The following ABCG4 variants were observed in gnomAD, a reference collection of about 807,000 sequenced individuals.
ABCG4 encodes the protein ATP-binding cassette sub-family G member 4.
Under a neutral mutation model 64.6 loss-of-function variants are expected in ABCG4, and 35 were observed. The observed-to-expected ratio is 0.54, with a 90% CI of 0.41 to 0.72. The LOEUF is 0.72. Ranked by LOEUF, ABCG4 falls within the 30% of genes least tolerant of loss-of-function variation. The probability of loss-of-function intolerance (pLI) is 0.00; values close to 1 mark genes in which losing one functional copy is unlikely to be tolerated. For synonymous variants in ABCG4, 326 were observed against 348.2 expected (o/e 0.94, Z 0.71); for missense variants, 610 against 846.3 (o/e 0.72, Z 3.46).
Position 119,154,554 on chromosome 11 carries a change from G to T in ABCG4, c.519G>T (p.Lys173Asn), listed in dbSNP as rs771263731. Residue 173 changes from lysine to asparagine, a missense_variant, in exon 5 of 15, where the codon AAG becomes AAT. Lys to Asn is a moderately conservative substitution (Grantham distance 94, BLOSUM62 0). Transcript: ENST00000619701. This position sits in a 1 kb window ranked among gnomAD's most constrained non-coding sequence, Gnocchi z 7.0. ...MVSANLKLSE[K>N]QEVKKELVTE... ...CTGCTAACCTGAAGCTGAGTGAGAAGCAGGAGGTGAAGAAGGAGCTGGTGA... is the reference window on the plus strand; with the variant it reads ...CTGCTAACCTGAAGCTGAGTGAGAATCAGGAGGTGAAGAAGGAGCTGGTGA... 6.2e-7 allele frequency: 1 copy of T among 1,613,698 alleles called. No individual in the cohort carries two copies. The highest frequency in any genetic ancestry group is 1.1e-5 in the South Asian group (1 of 91,016).
At chr11:119,152,609 C>T (rs1320788391) in intron 2 of ABCG4, among the ~76,000 whole-genome samples, 1 of 152,176 alleles carries the variant, frequency 6.6e-6, no homozygotes, top group African/African-American at 2.4e-5. Flanking sequence ...AGGCAGGGCC[C>T]TCCTTGGTGG....
Position 119,161,776 on chromosome 11 carries a change from T to A in ABCG4, c.*670T>A, listed in dbSNP as rs1454808624. On this transcript the variant is annotated 3_prime_UTR_variant, in exon 15 of 15. Coordinates refer to ENST00000619701, the MANE Select transcript of ABCG4 (RefSeq NM_022169.5). ...GTGGGATGCCCCATCCCCCTCCCCA[T>A]CACCTTTGGTGGGGGCAGGGCCTGG... 2.0e-5 allele frequency: 3 copies of A among 152,766 alleles called. No individual in the cohort carries two copies. In the East Asian group the frequency reaches 5.8e-4, roughly 29 times the overall value. The allele number at this position is 152,766 out of a possible 1,614,324, so 9.5% of individuals were successfully genotyped here.
intron 9 of ABCG4, 137 bp downstream of exon 9, chr11:119,157,151 T>A: frequency 8.2e-7 from 1 of 1,213,168 alleles, no homozygotes; most frequent in Non-Finnish European, 1.1e-6. Context: ...GGACTTGGAA[T>A]CGACCTACTA....
In ABCG4 at chr11:119,156,579, C is replaced by T. The variant is rs1948267518; in HGVS notation, c.826C>T (p.Gln276Ter). Residue 276 changes from glutamine to a stop codon, truncating the protein, a stop_gained, in exon 8 of 15, where the codon CAG becomes TAG. Coordinates refer to ENST00000619701, the MANE Select transcript of ABCG4 (RefSeq NM_022169.5). LOFTEE classifies it high-confidence loss of function. The surrounding 1 kb of genome is among the most constrained non-coding windows in gnomAD (Gnocchi z 5.5). ...EMFDKLYILS[Q>*]GQCIFKGVVT... ...TCTGCTGCAGCTCTACATCCTGAGC[C>T]AGGGTCAGTGCATCTTCAAAGGCGT... 1 of 1,614,168 alleles carries T rather than the reference C, an allele frequency of 6.2e-7. No homozygotes were observed. The highest frequency in any genetic ancestry group is 8.5e-7 in the Non-Finnish European group (1 of 1,180,028).
chr11:119,160,779 C>A lies in ABCG4; in HGVS notation c.1716-102C>A, dbSNP rs1035660891. On this transcript the variant is annotated intron_variant, in intron 14 of 14. Coordinates refer to ENST00000619701, the MANE Select transcript of ABCG4 (RefSeq NM_022169.5). This position sits in a 1 kb window ranked among gnomAD's most constrained non-coding sequence, Gnocchi z 4.6. ...TATCCTTTGGGCAGGGGCACCCTGG[C>A]TGCACCCCAGGGATGACAGCATTGC... 1.1e-5 allele frequency: 17 copies of A among 1,493,972 alleles called. No homozygotes were observed. Among genetic ancestry groups the A allele is most frequent in the Non-Finnish European group, 1.6e-5 (17 of 1,080,610 alleles). The allele number at this position is 1,493,972 out of a possible 1,614,324, so 92.5% of individuals were successfully genotyped here. A position where few individuals can be genotyped will look rare whatever the true frequency, so the allele number is the denominator to read the frequency against.
Position 119,150,166 on chromosome 11 carries a change from C to G in ABCG4, c.201C>G (p.Ser67=). ...SAVDIEFVEL[S]YSVREGPCWR... ...TGGACATCGAGTTCGTGGAGCTGTC[C>G]TATTCCGTGCGGGAGGGGCCCTGCT... The change falls in exon 2 of 15, where the codon TCC becomes TCG. Residue 67 remains serine (S), a synonymous_variant. Transcript: ENST00000619701. This position sits in a 1 kb window ranked among gnomAD's most constrained non-coding sequence, Gnocchi z 4.3. 5.0e-6 allele frequency: 8 copies of G among 1,614,102 alleles called. No homozygotes were observed. Among genetic ancestry groups the G allele is most frequent in the Non-Finnish European group, 6.8e-6 (8 of 1,180,004 alleles).
At chr11:119,157,127 C>T in intron 9 of ABCG4, 113 bp downstream of exon 9, 1 of 1,408,026 alleles carries the variant, frequency 7.1e-7, no homozygotes, top group Admixed American at 2.6e-5. Flanking sequence ...CCAATGGGTG[C>T]TAGGAAGAAC....
Position 119,150,305 on chromosome 11 carries a change from T to G in ABCG4, c.238+102T>G. ...CCATGTTCGGAAAGTCCTGCACCAGTGGGCTCTGTGGAAACACTAAAATCT... is the reference window on the plus strand; with the variant it reads ...CCATGTTCGGAAAGTCCTGCACCAGGGGGCTCTGTGGAAACACTAAAATCT... On this transcript the variant is annotated intron_variant, in intron 2 of 14. Coordinates refer to ENST00000619701, the MANE Select transcript of ABCG4 (RefSeq NM_022169.5). The surrounding 1 kb of genome is among the most constrained non-coding windows in gnomAD (Gnocchi z 4.3). 1 of 1,467,942 alleles carries G rather than the reference T, an allele frequency of 6.8e-7. No homozygotes were observed. The highest frequency in any genetic ancestry group is 1.3e-5 in the South Asian group (1 of 76,972). 90.9% of individuals were successfully genotyped at this position (1,467,942 alleles called of 1,614,324 possible).
chr11:119,151,233 C>A lies in ABCG4; in HGVS notation c.238+1030C>A, dbSNP rs112733361. Among the ~76,000 whole-genome samples the A allele has an allele frequency of 2.9e-3, 443 of 152,334 alleles. 4 individuals are homozygous for A. Among genetic ancestry groups the A allele is most frequent in the African/African-American group, 0.01 (425 of 41,582 alleles). Reference sequence around the variant, plus strand: ...TATTTCTTTAGCCCTCTCATTTCCTCATAATTTTAAGAAACTAAGATTTTT... The same window carrying A: ...TATTTCTTTAGCCCTCTCATTTCCTAATAATTTTAAGAAACTAAGATTTTT... On this transcript the variant is annotated intron_variant, in intron 2 of 14. Coordinates refer to ENST00000619701, the MANE Select transcript of ABCG4 (RefSeq NM_022169.5).
At position 119,156,144 on chromosome 11, in the gene ABCG4, C is replaced by G. The variant is rs759054769; in HGVS notation, c.687-185C>G. Reference sequence around the variant, plus strand: ...AGGTCCTCAATATATGCTTATGAAACTGAACAGTGCTCTTGGCTTCTGGGT... The same window carrying G: ...AGGTCCTCAATATATGCTTATGAAAGTGAACAGTGCTCTTGGCTTCTGGGT... On this transcript the variant is annotated intron_variant, in intron 6 of 14. Transcript: ENST00000619701. The surrounding 1 kb of genome is among the most constrained non-coding windows in gnomAD (Gnocchi z 5.5). 3 of 703,300 alleles carry G rather than the reference C, an allele frequency of 4.3e-6. No individual in the cohort carries two copies. The highest frequency in any genetic ancestry group is 7.2e-6 in the Non-Finnish European group (3 of 417,176). The allele number at this position is 703,300 out of a possible 1,614,324, so 43.6% of individuals were successfully genotyped here.
At position 119,154,350 on chromosome 11, in the gene ABCG4, T is replaced by C; in HGVS notation, c.447T>C (p.Asp149=). The C allele has an allele frequency of 6.2e-7, 1 of 1,614,182 alleles. No individual in the cohort carries two copies. Among genetic ancestry groups the C allele is most frequent in the Non-Finnish European group, 8.5e-7 (1 of 1,180,034 alleles). The stretch of plus-strand genomic sequence containing the variant: ...AGATGTCCTGCTACATCATGCAAGA[T>C]GACATGCTGCTGCCGCACCTCACGG... ...FRKMSCYIMQ[D]DMLLPHLTVL... Residue 149 remains aspartate, a synonymous_variant, in exon 4 of 15, where the codon GAT becomes GAC. Coordinates refer to ENST00000619701, the MANE Select transcript of ABCG4 (RefSeq NM_022169.5). The surrounding 1 kb of genome is among the most constrained non-coding windows in gnomAD (Gnocchi z 7.0).
At position 119,157,925 on chromosome 11, in the gene ABCG4, C is replaced by T. The variant is rs184362160; in HGVS notation, c.1069-309C>T. Among the ~76,000 whole-genome samples, 402 of 150,512 alleles carry T rather than the reference C, an allele frequency of 2.7e-3. 6 individuals are homozygous for T. The highest frequency in any genetic ancestry group is 3.5e-4 in the Non-Finnish European group (24 of 68,014). ...AACAAAACAAAAAAGGAATTATACC[C>T]TTAGAGTTCATGTGTTTTGATGGAT... On this transcript the variant is annotated intron_variant, in intron 9 of 14. Transcript: ENST00000619701.
At position 119,156,928 on chromosome 11, in the gene ABCG4, G is replaced by A. The variant is rs776949339; in HGVS notation, c.982G>A (p.Val328Met). Residue 328 changes from valine (V) to methionine (M), a missense_variant, in exon 9 of 15, where the codon GTG becomes ATG. Coordinates refer to ENST00000619701, the MANE Select transcript of ABCG4 (RefSeq NM_022169.5). This position sits in a 1 kb window ranked among gnomAD's most constrained non-coding sequence, Gnocchi z 5.5. ...GDLNPMLFRA[V>M]QNGLCAMAEK... ...CCTGAACCCCATGTTGTTCAGGGCT[G>A]TGCAGAATGGGCTGTGCGCTATGGC... is the stretch of plus-strand genomic sequence containing the variant. The A allele has an allele frequency of 2.5e-6, 4 of 1,613,898 alleles. No homozygotes were observed. Among genetic ancestry groups the A allele is most frequent in the Non-Finnish European group, 3.4e-6 (4 of 1,179,968 alleles).
At position 119,154,444 on chromosome 11, in the gene ABCG4, C is replaced by T. The variant is rs758186100; in HGVS notation, c.489+52C>T. ...CCCAGCAACCCCCTCTGTCTGCTGTCGCCACCTTCACCATTGGCGGAGGGT... is the reference window on the plus strand; with the variant it reads ...CCCAGCAACCCCCTCTGTCTGCTGTTGCCACCTTCACCATTGGCGGAGGGT... On this transcript the variant is annotated intron_variant, in intron 4 of 14. Transcript: ENST00000619701. This position sits in a 1 kb window ranked among gnomAD's most constrained non-coding sequence, Gnocchi z 7.0. 2.2e-5 allele frequency: 35 copies of T among 1,613,960 alleles called. No individual in the cohort carries two copies. The highest frequency in any genetic ancestry group is 4.0e-5 in the African/African-American group (3 of 74,920).
chr11:119,150,294 T>A lies in ABCG4; in HGVS notation c.238+91T>A, dbSNP rs1948178638. ...GCCTGGGTGTCCCATGTTCGGAAAG[T>A]CCTGCACCAGTGGGCTCTGTGGAAA... On this transcript the variant is annotated intron_variant, in intron 2 of 14. Transcript: ENST00000619701. The surrounding 1 kb of genome is among the most constrained non-coding windows in gnomAD (Gnocchi z 4.3). The A allele has an allele frequency of 6.6e-7, 1 of 1,517,000 alleles. No homozygotes were observed. Among genetic ancestry groups the A allele is most frequent in the South Asian group, 1.2e-5 (1 of 80,930 alleles). The allele number at this position is 1,517,000 out of a possible 1,614,324, so 94.0% of individuals were successfully genotyped here. A position where few individuals can be genotyped will look rare whatever the true frequency, so the allele number is the denominator to read the frequency against.
In ABCG4 at chr11:119,156,078, T is replaced by A. The variant is rs1051288164; in HGVS notation, c.687-251T>A. On this transcript the variant is annotated intron_variant, in intron 6 of 14. Transcript: ENST00000619701. The surrounding 1 kb of genome is among the most constrained non-coding windows in gnomAD (Gnocchi z 5.5). ...CTCCTTCCAGACCAGAGTCTATGTCTTATTTATGCATCATTGTAATCCCAG... is the reference window on the plus strand; with the variant it reads ...CTCCTTCCAGACCAGAGTCTATGTCATATTTATGCATCATTGTAATCCCAG... The A allele has an allele frequency of 3.9e-6, 2 of 508,152 alleles. No individual in the cohort carries two copies. 31.5% of individuals were successfully genotyped at this position (508,152 alleles called of 1,614,324 possible). A position where few individuals can be genotyped will look rare whatever the true frequency, so the allele number is the denominator to read the frequency against.
rs1473395418 is a variant in ABCG4 at position 119,155,762 on chromosome 11, C to T, written c.687-567C>T. The T allele has an allele frequency of 6.4e-6, 1 of 155,370 alleles. No individual in the cohort carries two copies. The highest frequency in any genetic ancestry group is 2.4e-5 in the African/African-American group (1 of 41,456). The allele number at this position is 155,370 out of a possible 1,614,324, so 9.6% of individuals were successfully genotyped here. A position where few individuals can be genotyped will look rare whatever the true frequency, so the allele number is the denominator to read the frequency against. ...TGAACCTACTTCTCCAGCCTCAAGT[C>T]ATGTACTTTATGCTCTAATAATACT... On this transcript the variant is annotated intron_variant, in intron 6 of 14. Transcript: ENST00000619701. The surrounding 1 kb of genome is among the most constrained non-coding windows in gnomAD (Gnocchi z 4.5).
intron 2 of ABCG4, 39 bp from the exon 3 acceptor site, chr11:119,153,987 C>A: frequency 6.3e-7 from 1 of 1,583,564 alleles, no homozygotes; most frequent in Non-Finnish European, 8.7e-7. Context: ...CCTCTGTTCA[C>A]TGCAGCCTGA....
rs752816611 is a variant in ABCG4 at position 119,156,519 on chromosome 11, T to A, written c.811-45T>A. 2 of 1,613,608 alleles carry A rather than the reference T, an allele frequency of 1.2e-6. No individual in the cohort carries two copies. The highest frequency in any genetic ancestry group is 1.7e-6 in the Non-Finnish European group (2 of 1,179,786). On this transcript the variant is annotated intron_variant, in intron 7 of 14. Transcript: ENST00000619701. The surrounding 1 kb of genome is among the most constrained non-coding windows in gnomAD (Gnocchi z 5.5). ...AGGGATGGAAGGGGGTCAGTAGGGG[T>A]GCCTGGCCCGCTGTTCCTTCCTTAC... is the stretch of plus-strand genomic sequence containing the variant.
Sources: gnomAD v4.1 joint callset for allele counts (sites outside exome capture counted in the v4.1 genomes callset) on GRCh38, gnomAD v4.1.1 for gene constraint, Gnocchi (gnomAD v3.1) non-coding constraint, MANE v1.5 for transcripts, NCBI Gene and HGNC (gene_info 2026-07-23, HGNC 2026-07-21) for gene names.